The following TLX3 variants were observed in gnomAD, a reference collection of about 807,000 sequenced individuals.
TLX3 encodes the protein T-cell leukemia homeobox protein 3.
A neutral mutation model predicts 19.6 loss-of-function variants in TLX3; 11 were observed. The ratio of observed to expected loss-of-function variants is 0.56; its 90% CI spans 0.35 to 0.93. The LOEUF is 0.93. TLX3 is among the 40% of genes least tolerant of loss of function. The pLI is 0.01. For synonymous variants in TLX3, 221 were observed against 188.1 expected, an observed-to-expected ratio of 1.17 and a Z score of -1.43; for missense variants, 375 against 418.6, an observed-to-expected ratio of 0.90 and a Z score of 0.91.
chr5:171,311,672 C>T lies in TLX3; in HGVS notation c.*73C>T. On this transcript the variant is annotated 3_prime_UTR_variant, in exon 3 of 3. Coordinates refer to ENST00000296921, the MANE Select transcript of TLX3 (RefSeq NM_021025.4). This position sits in a 1 kb window ranked among gnomAD's most constrained non-coding sequence, Gnocchi z 5.1. ...GGGCGCCCCGGACCCCCCAGGCGGGCTGCGGGGGAACCGGCGCCGAGAGGG... is the reference window on the plus strand; with the variant it reads ...GGGCGCCCCGGACCCCCCAGGCGGGTTGCGGGGGAACCGGCGCCGAGAGGG... 7.3e-6 allele frequency: 9 copies of T among 1,240,756 alleles called. No homozygotes were observed. In the South Asian group the frequency reaches 1.1e-4, roughly 16 times the overall value. 76.9% of individuals were successfully genotyped at this position (1,240,756 alleles called of 1,614,324 possible).
chr5:171,309,584 G>T lies in TLX3; in HGVS notation c.219G>T (p.Ala73=), dbSNP rs769027811. 5 of 1,600,366 alleles carry T rather than the reference G, an allele frequency of 3.1e-6. No individual in the cohort carries two copies. Among genetic ancestry groups the T allele is most frequent in the African/African-American group, 2.7e-5 (2 of 74,260 alleles). Residue 73 remains alanine (A), a synonymous_variant, in exon 1 of 3, where the codon GCG becomes GCT. Transcript: ENST00000296921. ...GCCTCGGCGCGCCCTTCGAGGACGC[G>T]GGATCTTACAGTGTGAACCTGAGCC... The part of the protein sequence containing the change: ...FAGLGAPFED[A]GSYSVNLSLA...
At position 171,309,684 on chromosome 5, in the gene TLX3, G is replaced by A; in HGVS notation, c.319G>A (p.Ala107Thr). 5.6e-6 allele frequency: 9 copies of A among 1,609,670 alleles called. No individual in the cohort carries two copies. The highest frequency in any genetic ancestry group is 7.6e-6 in the Non-Finnish European group (9 of 1,178,842). The change falls in exon 1 of 3, where the codon GCG becomes ACG. Residue 107 changes from alanine (A) to threonine (T), a missense_variant. Around this residue, in one of 3 missense-constraint regions of TLX3, gnomAD observed 239 missense variants for 217.0 expected, o/e 1.10. Transcript: ENST00000296921. ...GGCCGTGCCACCGCCTCTGCCAAGC[G>A]CGCTACCCGCCATGCCCTCCGTGCC... ...PGAVPPPLPSALPAMPSVPTV... is the reference protein window; with the variant it reads ...PGAVPPPLPSTLPAMPSVPTV...
At position 171,311,987 on chromosome 5, in the gene TLX3, G is replaced by C. The variant is rs979536709; in HGVS notation, c.*388G>C. 1 of 194,474 alleles carries C rather than the reference G, an allele frequency of 5.1e-6. No individual in the cohort carries two copies. Among genetic ancestry groups the C allele is most frequent in the Non-Finnish European group, 1.1e-5 (1 of 92,960 alleles). 12.0% of individuals were successfully genotyped at this position (194,474 alleles called of 1,614,324 possible). ...AAACCGGCCACCTGCTTCCCCCGCGGGGGCCGCTGGAGGAAGGGCAGCCGA... is the reference window on the plus strand; with the variant it reads ...AAACCGGCCACCTGCTTCCCCCGCGCGGGCCGCTGGAGGAAGGGCAGCCGA... On this transcript the variant is annotated 3_prime_UTR_variant, in exon 3 of 3. Coordinates refer to ENST00000296921, the MANE Select transcript of TLX3 (RefSeq NM_021025.4). The surrounding 1 kb of genome is among the most constrained non-coding windows in gnomAD (Gnocchi z 5.1).
In TLX3 at chr5:171,311,349, G is replaced by C. The variant is rs538795133; in HGVS notation, c.666-40G>C. ...CCCCGCCGGCGGCCCCGCGGTGCCG[G>C]GTGCATGACGGTACTGTCCCTCTCC... On this transcript the variant is annotated intron_variant, in intron 2 of 2. Coordinates refer to ENST00000296921, the MANE Select transcript of TLX3 (RefSeq NM_021025.4). The surrounding 1 kb of genome is among the most constrained non-coding windows in gnomAD (Gnocchi z 5.1). 3.9e-6 allele frequency: 6 copies of C among 1,524,684 alleles called. No individual in the cohort carries two copies. Among genetic ancestry groups the C allele is most frequent in the Non-Finnish European group, 5.3e-6 (6 of 1,133,328 alleles). The allele number at this position is 1,524,684 out of a possible 1,614,324, so 94.4% of individuals were successfully genotyped here.
Position 171,312,015 on chromosome 5 carries a change from C to T in TLX3, c.*416C>T, listed in dbSNP as rs935058353. ...GCCGCTGGAGGAAGGGCAGCCGACCCGGCCGCTGGGGGAAGTGCCAGGGGC... is the reference window on the plus strand; with the variant it reads ...GCCGCTGGAGGAAGGGCAGCCGACCTGGCCGCTGGGGGAAGTGCCAGGGGC... On this transcript the variant is annotated 3_prime_UTR_variant, in exon 3 of 3. Coordinates refer to ENST00000296921, the MANE Select transcript of TLX3 (RefSeq NM_021025.4). 1 of 193,854 alleles carries T rather than the reference C, an allele frequency of 5.2e-6. No homozygotes were observed. The highest frequency in any genetic ancestry group is 7.9e-5 in the East Asian group (1 of 12,712). 12.0% of individuals were successfully genotyped at this position (193,854 alleles called of 1,614,324 possible).
rs1769211087 is a variant in TLX3, at chr5:171,311,092, G to C, written c.666-297G>C. 6.6e-6 allele frequency among the ~76,000 whole-genome samples: 1 copy of C among 152,182 alleles called. No homozygotes were observed. Among genetic ancestry groups the C allele is most frequent in the Non-Finnish European group, 1.5e-5 (1 of 68,032 alleles). Reference sequence around the variant, plus strand: ...TCAGTTACACATAGGCCCTGCCCTTGCTATCTGGCGAAAGGAACAATCTTT... The same window carrying C: ...TCAGTTACACATAGGCCCTGCCCTTCCTATCTGGCGAAAGGAACAATCTTT... On this transcript the variant is annotated intron_variant, in intron 2 of 2. Transcript: ENST00000296921. This position sits in a 1 kb window ranked among gnomAD's most constrained non-coding sequence, Gnocchi z 5.1.
At chr5:171,310,481 GCTATCCA>G in intron 2 of TLX3, 88 bp downstream of exon 2, 5 of 1,501,502 alleles carry the variant, frequency 3.3e-6, no homozygotes, top group Non-Finnish European at 3.6e-6. Flanking sequence ...CTATTTTAAG[GCTATCCA>G]CTACCCCCGC....
chr5:171,311,315 G>A lies in TLX3; in HGVS notation c.666-74G>A. The A allele has an allele frequency of 2.9e-6, 4 of 1,394,620 alleles. No homozygotes were observed. The highest frequency in any genetic ancestry group is 3.8e-6 in the Non-Finnish European group (4 of 1,040,628). The allele number at this position is 1,394,620 out of a possible 1,614,324, so 86.4% of individuals were successfully genotyped here. On this transcript the variant is annotated intron_variant, in intron 2 of 2. Transcript: ENST00000296921. This position sits in a 1 kb window ranked among gnomAD's most constrained non-coding sequence, Gnocchi z 5.1. ...TCCCGGATGGCCTCGGCTCCCGGGA[G>A]GGCCGGGGCCCCGCCGGCGGCCCCG... is the stretch of plus-strand genomic sequence containing the variant.
chr5:171,309,771 A>G lies in TLX3; in HGVS notation c.406A>G (p.Lys136Glu), dbSNP rs1187000785. 3 of 1,605,166 alleles carry G rather than the reference A, an allele frequency of 1.9e-6. No individual in the cohort carries two copies. Among genetic ancestry groups the G allele is most frequent in the Non-Finnish European group, 2.6e-6 (3 of 1,176,236 alleles). Residue 136 changes from lysine (K) to glutamate (E), a missense_variant, in exon 1 of 3, where the codon AAA becomes GAA. Physicochemically the swap from Lys to Glu is moderately conservative, Grantham distance 56. Coordinates refer to ENST00000296921, the MANE Select transcript of TLX3 (RefSeq NM_021025.4). ...GATGGAGAGCAGCCGCCGCTTCGTGAAAGACCGCTTCACAGGTGAGCAGAG... is the reference window on the plus strand; with the variant it reads ...GATGGAGAGCAGCCGCCGCTTCGTGGAAGACCGCTTCACAGGTGAGCAGAG... ...PWMESSRRFVKDRFTAAAALT... is the reference protein window; with the variant it reads ...PWMESSRRFVEDRFTAAAALT...
Position 171,309,613 on chromosome 5 carries a change from C to A in TLX3, c.248C>A (p.Ala83Glu). 6.8e-6 allele frequency: 11 copies of A among 1,606,660 alleles called. No individual in the cohort carries two copies. The highest frequency in any genetic ancestry group is 9.3e-6 in the Non-Finnish European group (11 of 1,177,466). Residue 83 changes from alanine to glutamate, a missense_variant, in exon 1 of 3, where the codon GCG becomes GAG. Physicochemically the swap from Ala to Glu is moderately radical, Grantham distance 107. This residue lies in a region of TLX3 where 239 missense variants were observed against 217.0 expected (regional missense o/e 1.10). Coordinates refer to ENST00000296921, the MANE Select transcript of TLX3 (RefSeq NM_021025.4). Reference sequence around the variant, plus strand: ...TCTTACAGTGTGAACCTGAGCCTAGCGCCCGCAGGCGTGATCCGGGTGCCG... The same window carrying A: ...TCTTACAGTGTGAACCTGAGCCTAGAGCCCGCAGGCGTGATCCGGGTGCCG... ...AGSYSVNLSL[A>E]PAGVIRVPAH...
chr5:171,309,331 CGCCCAGCCCA>C lies in TLX3; in HGVS notation c.-25_-16del. 2.9e-6 allele frequency: 3 copies of C among 1,021,616 alleles called. No homozygotes were observed. Among genetic ancestry groups the C allele is most frequent in the Non-Finnish European group, 4.3e-6 (3 of 703,868 alleles). 63.3% of individuals were successfully genotyped at this position (1,021,616 alleles called of 1,614,324 possible). ...CGTAACGGGGACCCAGCCGCCTCCC[CGCCCAGCCCA>C]GCCCAGCCCTTCCGCCCGCCCAGGA... On this transcript the variant is annotated 5_prime_UTR_variant, in exon 1 of 3. Transcript: ENST00000296921.
Sources: gnomAD v4.1 joint callset for allele counts (sites outside exome capture counted in the v4.1 genomes callset) on GRCh38, gnomAD v4.1.1 for gene constraint, gnomAD v4.1.1 regional missense constraint, Gnocchi (gnomAD v3.1) non-coding constraint, MANE v1.5 for transcripts, NCBI Gene and HGNC (gene_info 2026-07-23, HGNC 2026-07-21) for gene names.